Variants in C16orf74 observed in about 807,000 individuals in gnomAD.
C16orf74 encodes the protein calcimembrin, also known as uncharacterized protein C16orf74.
C16orf74 carries 10 observed loss-of-function variants against 6.5 expected under a neutral mutation model. That is an observed-to-expected ratio of 1.54 (90% CI 0.95 to 2.61). The LOEUF (loss-of-function observed/expected upper bound fraction) is 2.61. C16orf74 is among the 30% of genes most tolerant of loss of function. The pLI, the probability that C16orf74 is intolerant of heterozygous loss-of-function variation, is 0.00. For missense variants in C16orf74, 141 were observed against 105.9 expected, an observed-to-expected ratio of 1.33 and a Z score of -1.45; for synonymous variants, 60 against 42.5, an observed-to-expected ratio of 1.41 and a Z score of -1.60.
At chr16:85,741,256 C>G (rs574044289) in intron 1 of C16orf74, among the ~76,000 whole-genome samples, 40 of 152,278 alleles carry the variant, frequency 2.6e-4, no homozygotes, top group African/African-American at 9.1e-4. Flanking sequence ...CAGGCTCTGG[C>G]CGAGCAAAGG....
intron 2 of C16orf74, among the ~76,000 whole-genome samples, chr16:85,711,652 C>T (rs909365471): frequency 5.4e-5 from 8 of 148,756 alleles, no homozygotes; most frequent in Non-Finnish European, 7.4e-5. Flanking sequence ...AAAAATTAAA[C>T]GCAACCAAAA....
intron 2 of C16orf74, among the ~76,000 whole-genome samples, chr16:85,722,504 C>T (rs1373858615): frequency 6.6e-6 from 1 of 152,206 alleles, no homozygotes; most frequent in Non-Finnish European, 1.5e-5. Context: ...GGAGCGGAAG[C>T]GGCACCAAGC....
At chr16:85,746,743 C>A (rs1358272468) in intron 1 of C16orf74, among the ~76,000 whole-genome samples, 1 of 152,224 alleles carries the variant, frequency 6.6e-6, no homozygotes, top group Non-Finnish European at 1.5e-5. Flanking sequence ...CTTCAGCTCT[C>A]TGGGCCTGGT....
intron 2 of C16orf74, among the ~76,000 whole-genome samples, chr16:85,725,977 C>T (rs2054128883): frequency 6.6e-6 from 1 of 152,152 alleles, no homozygotes; most frequent in East Asian, 1.9e-4. Context: ...CAGCTCAGCC[C>T]GGCCTCCATA....
chr16:85,739,222 T>G (rs1260484231), intron 1 of C16orf74, among the ~76,000 whole-genome samples: 1 of 152,172 alleles, frequency 6.6e-6, no homozygotes, highest in African/African-American at 2.4e-5. Context: ...CTGGCCAGGC[T>G]TCCCAAACCT....
At chr16:85,718,346 A>G (rs989449887) in intron 2 of C16orf74, among the ~76,000 whole-genome samples, 1 of 152,218 alleles carries the variant, frequency 6.6e-6, no homozygotes, top group African/African-American at 2.4e-5. Flanking sequence ...GGTTACAGGT[A>G]TAAGCCACCC....
In C16orf74 at chr16:85,735,189, C is replaced by A. The variant is rs747548420; in HGVS notation, c.28+1G>T. 6.2e-7 allele frequency: 1 copy of A among 1,606,140 alleles called. No homozygotes were observed. Among genetic ancestry groups the A allele is most frequent in the South Asian group, 1.1e-5 (1 of 89,954 alleles). ...GGTGGGGGCAGAGCTTCAGGCCTTACCTTTCAGGCAGGACATCTTAAGCCC... is the reference window on the plus strand; with the variant it reads ...GGTGGGGGCAGAGCTTCAGGCCTTAACTTTCAGGCAGGACATCTTAAGCCC... On this transcript the variant is annotated splice_donor_variant, in intron 2 of 3. Transcript: ENST00000284245. LOFTEE classifies it high-confidence loss of function.
chr16:85,710,386 G>A, intron 2 of C16orf74, 79 bp from the exon 3 acceptor site: 14 of 1,368,542 alleles, frequency 1.0e-5, no homozygotes, highest in South Asian at 1.6e-5. Context: ...GGAACCGCGG[G>A]CGCCACCCTC....
chr16:85,738,982 CTA>C (rs35649026), intron 1 of C16orf74, among the ~76,000 whole-genome samples: 47,782 of 151,924 alleles, frequency 0.31, 8,840 homozygotes, highest in East Asian at 0.66. Flanking sequence ...ACTTTGGACT[CTA>C]GAGCCCACGC....
chr16:85,740,971 G>C (rs907391661), intron 1 of C16orf74, among the ~76,000 whole-genome samples: 6 of 152,246 alleles, frequency 3.9e-5, no homozygotes, highest in Middle Eastern at 6.8e-3. Flanking sequence ...GAGGACACGC[G>C]TGTAGGTAAA....
intron 2 of C16orf74, among the ~76,000 whole-genome samples, chr16:85,721,807 G>C (rs1047748453): frequency 6.6e-6 from 1 of 152,148 alleles, no homozygotes; most frequent in African/African-American, 2.4e-5. Context: ...GCTACACGGA[G>C]GGGCTCCAGG....
intron 2 of C16orf74, among the ~76,000 whole-genome samples, chr16:85,732,759 G>A (rs2054203815): frequency 6.7e-6 from 1 of 149,300 alleles, no homozygotes; most frequent in Non-Finnish European, 1.5e-5. Flanking sequence ...CACCTCCAGA[G>A]ACCCAGGCTG....
intron 2 of C16orf74, among the ~76,000 whole-genome samples, chr16:85,730,748 C>A (rs1170251833): frequency 6.6e-6 from 1 of 151,112 alleles, no homozygotes; most frequent in Non-Finnish European, 1.5e-5. Context: ...AAGCCTCCAG[C>A]CCAGCCAAGT....
At chr16:85,734,422 T>C (rs2054222179) in intron 2 of C16orf74, among the ~76,000 whole-genome samples, 1 of 152,112 alleles carries the variant, frequency 6.6e-6, no homozygotes, top group South Asian at 2.1e-4. Context: ...GGTGGGTAGG[T>C]GGCCTCTGCC....
chr16:85,749,773 C>T (rs910369915), intron 1 of C16orf74, among the ~76,000 whole-genome samples: 2 of 152,240 alleles, frequency 1.3e-5, no homozygotes, highest in Non-Finnish European at 2.9e-5. Context: ...GCACCTTGGG[C>T]TGGGAAAATA....
chr16:85,729,274 C>A (rs574128997), intron 2 of C16orf74, among the ~76,000 whole-genome samples: 9 of 152,226 alleles, frequency 5.9e-5, no homozygotes, highest in African/African-American at 1.9e-4. Flanking sequence ...GATGCCAGCA[C>A]GTGCCAACCC....
At chr16:85,719,349 G>T (rs910186510) in intron 2 of C16orf74, among the ~76,000 whole-genome samples, 1 of 152,154 alleles carries the variant, frequency 6.6e-6, no homozygotes, top group African/African-American at 2.4e-5. Flanking sequence ...AGATTTCAGG[G>T]TCAACTGGAG....
intron 1 of C16orf74, among the ~76,000 whole-genome samples, chr16:85,746,670 T>C (rs1430887466): frequency 6.6e-6 from 1 of 152,150 alleles, no homozygotes; most frequent in Non-Finnish European, 1.5e-5. Context: ...AATGTGACTG[T>C]TTGCCAGGTG....
At chr16:85,709,759 C>A (rs1362322517) in intron 3 of C16orf74, among the ~76,000 whole-genome samples, 1 of 152,264 alleles carries the variant, frequency 6.6e-6, no homozygotes, top group East Asian at 1.9e-4. Flanking sequence ...CCGGCCCCAG[C>A]CTGGGCACGA....
Sources: gnomAD v4.1 joint callset for allele counts (sites outside exome capture counted in the v4.1 genomes callset) on GRCh38, gnomAD v4.1.1 for gene constraint, MANE v1.5 for transcripts, NCBI Gene and HGNC (gene_info 2026-07-23, HGNC 2026-07-21) for gene names.